The following CADM1 variants were observed in gnomAD, a reference collection of about 807,000 sequenced individuals.
CADM1 encodes TSLC-1.
A neutral mutation model predicts 53.1 loss-of-function variants in CADM1; 15 were observed. The observed-to-expected ratio is 0.28, with a 90% confidence interval of 0.19 to 0.44. CADM1 has a LOEUF of 0.44. CADM1 is among the 20% of genes least tolerant of loss of function. The probability of loss-of-function intolerance (pLI) is 1.00; values close to 1 mark genes in which losing one functional copy is unlikely to be tolerated. For synonymous variants in CADM1, 281 were observed against 243.0 expected (o/e 1.16, Z -1.45); for missense variants, 434 against 611.3 (o/e 0.71, Z 3.06).
intron 1 of CADM1, among the ~76,000 whole-genome samples, chr11:115,248,568 T>C (rs1164802235): frequency 6.6e-6 from 1 of 152,222 alleles, no homozygotes; most frequent in African/African-American, 2.4e-5. Flanking sequence ...GAAACAGGAA[T>C]ATAAAAATAA....
chr11:115,287,468 A>G (rs776233422), intron 1 of CADM1: 3 of 152,228 alleles, frequency 2.0e-5, no homozygotes, highest in Non-Finnish European at 4.4e-5. Flanking sequence ...TCACAGGCAC[A>G]CTCTGCTGCT....
At chr11:115,396,717 A>G (rs1947007132) in intron 1 of CADM1, 1 of 152,226 alleles carries the variant, frequency 6.6e-6, no homozygotes, top group South Asian at 2.1e-4. Flanking sequence ...CCAGATTAAG[A>G]CTTGGCTGCA....
At chr11:115,269,245 T>C (rs888846016) in intron 1 of CADM1, among the ~76,000 whole-genome samples, 3 of 151,662 alleles carry the variant, frequency 2.0e-5, no homozygotes, top group East Asian at 1.9e-4. Flanking sequence ...CCCCAAGGGG[T>C]CATCAGAGTT....
intron 1 of CADM1, among the ~76,000 whole-genome samples, chr11:115,334,168 T>A (rs922328968): frequency 2.6e-5 from 4 of 151,986 alleles, no homozygotes; most frequent in Non-Finnish European, 4.4e-5. Flanking sequence ...CAATGTTTAC[T>A]CTGCATGTTT....
intron 10 of CADM1, among the ~76,000 whole-genome samples, chr11:115,181,416 C>T (rs1310196387): frequency 6.6e-6 from 1 of 152,170 alleles, no homozygotes; most frequent in East Asian, 1.9e-4. Flanking sequence ...CCCTCAAGGA[C>T]ATACATATTT....
chr11:115,366,977 T>C (rs1946179859), intron 1 of CADM1, among the ~76,000 whole-genome samples: 1 of 152,210 alleles, frequency 6.6e-6, no homozygotes, highest in Admixed American at 6.5e-5. Context: ...TCTTGTCAGT[T>C]GGAATTTAAA....
At chr11:115,385,043 C>G in intron 1 of CADM1, among the ~76,000 whole-genome samples, 1 of 152,098 alleles carries the variant, frequency 6.6e-6, no homozygotes, top group Admixed American at 6.6e-5. Flanking sequence ...ATGGATCACT[C>G]GCCTCCCTAT....
intron 1 of CADM1, among the ~76,000 whole-genome samples, chr11:115,371,204 A>C (rs148808109): frequency 4.6e-5 from 7 of 152,240 alleles, no homozygotes; most frequent in Admixed American, 2.0e-4. Flanking sequence ...TTAATTTTTA[A>C]AAGATAAATT....
At chr11:115,387,174 A>G (rs898798461) in intron 1 of CADM1, among the ~76,000 whole-genome samples, 3 of 152,180 alleles carry the variant, frequency 2.0e-5, no homozygotes, top group Admixed American at 6.5e-5. Context: ...TGAATATCTA[A>G]TAAGTATGCT....
intron 10 of CADM1, among the ~76,000 whole-genome samples, chr11:115,189,128 G>C (rs149499704): frequency 6.6e-6 from 1 of 152,104 alleles, no homozygotes; most frequent in Non-Finnish European, 1.5e-5. Context: ...TGCAGGGAGT[G>C]GGGGAGGGGG....
chr11:115,340,626 T>TTATATATATATA (rs869156485), intron 1 of CADM1, among the ~76,000 whole-genome samples: 56 of 48,238 alleles, frequency 1.2e-3, no homozygotes, highest in African/African-American at 2.5e-3. Flanking sequence ...ATAATAAATA[T>TTATATATATATA]TATATATATA....
chr11:115,307,958 T>C (rs1182890659), intron 1 of CADM1, among the ~76,000 whole-genome samples: 6 of 151,814 alleles, frequency 4.0e-5, no homozygotes, highest in Admixed American at 2.0e-4. Context: ...CCAAATAACT[T>C]TGGGCTGATT....
At chr11:115,258,524 T>C (rs1319038537) in intron 1 of CADM1, among the ~76,000 whole-genome samples, 1 of 152,210 alleles carries the variant, frequency 6.6e-6, no homozygotes, top group Non-Finnish European at 1.5e-5. Context: ...TTTCCCGACC[T>C]ACTCCAGAAC....
At chr11:115,370,749 G>T (rs1178286155) in intron 1 of CADM1, among the ~76,000 whole-genome samples, 2 of 152,080 alleles carry the variant, frequency 1.3e-5, no homozygotes, top group Admixed American at 1.3e-4. Flanking sequence ...CTGTACAGAG[G>T]AATACAACCT....
At chr11:115,196,795 G>A (rs1379187286) in intron 9 of CADM1, among the ~76,000 whole-genome samples, 1 of 151,952 alleles carries the variant, frequency 6.6e-6, no homozygotes, top group Non-Finnish European at 1.5e-5. Context: ...AGAAACTTAA[G>A]TATCTTAAAA....
Position 115,209,272 on chromosome 11 carries a change from T to C in CADM1, c.1078+302A>G, listed in dbSNP as rs570072460. ...ATCAAACATGTCTAAGCAGAAGCTA[T>C]AGGCGTGTTCTCTAGTAGCCAGCTG... On this transcript the variant is annotated intron_variant, in intron 8 of 11. Transcript: ENST00000331581. Among the ~76,000 whole-genome samples the C allele has an allele frequency of 4.6e-5, 7 of 152,342 alleles. No individual in the cohort carries two copies. In the East Asian group the frequency reaches 9.7e-4, roughly 21 times the overall value.
intron 1 of CADM1, among the ~76,000 whole-genome samples, chr11:115,426,799 G>A (rs1285179518): frequency 6.6e-6 from 1 of 151,946 alleles, no homozygotes; most frequent in African/African-American, 2.4e-5. Context: ...TAAAATGACA[G>A]GACTGGGTCT....
At chr11:115,198,578 T>A in intron 8 of CADM1, 140 bp from the exon 9 acceptor site, 13 of 688,642 alleles carry the variant, frequency 1.9e-5, no homozygotes, top group Admixed American at 1.8e-4. Context: ...CAATAATAAA[T>A]GAAAAGCAAA....
rs757354271 is a variant in CADM1 at position 115,190,965 on chromosome 11, TTTC to T, written c.1112-27_1112-25del. 14 of 1,569,904 alleles carry T rather than the reference TTTC, an allele frequency of 8.9e-6. No individual in the cohort carries two copies. In the South Asian group the frequency reaches 1.6e-4, roughly 18 times the overall value. ...GCCTTACAAGTAAAAACAAATCGTT[TTTC>T]TTTTCATTCCTCGAGGGACATAAAC... On this transcript the variant is annotated intron_variant, in intron 9 of 11. Transcript: ENST00000331581.
Sources: gnomAD v4.1 joint callset for allele counts (sites outside exome capture counted in the v4.1 genomes callset) on GRCh38, gnomAD v4.1.1 for gene constraint, MANE v1.5 for transcripts, NCBI Gene and HGNC (gene_info 2026-07-23, HGNC 2026-07-21) for gene names.